Variants in RALYL observed in about 807,000 individuals in gnomAD.
RALYL encodes the protein RALY RNA binding protein like.
RALYL carries 29 observed loss-of-function variants against 35.1 expected under a neutral mutation model. The ratio of observed to expected loss-of-function variants is 0.83; its 90% CI spans 0.61 to 1.13. RALYL has a LOEUF of 1.13. RALYL is among the 50% of genes most tolerant of loss of function. RALYL has a pLI of 0.00. For missense variants in RALYL, 359 were observed against 360.4 expected, an observed-to-expected ratio of 1.00 and a Z score of 0.03; for synonymous variants, 120 against 127.6, an observed-to-expected ratio of 0.94 and a Z score of 0.40.
At chr8:84,186,121 G>A (rs1812459214) in intron 1 of RALYL, among the ~76,000 whole-genome samples, 1 of 152,158 alleles carries the variant, frequency 6.6e-6, no homozygotes, top group African/African-American at 2.4e-5. Flanking sequence ...TTTTCTCTGT[G>A]AAGGAAATCC....
chr8:84,590,284 AT>A (rs1336301385), intron 2 of RALYL, among the ~76,000 whole-genome samples: 4 of 152,230 alleles, frequency 2.6e-5, no homozygotes, highest in South Asian at 4.1e-4. Context: ...TCAAAATATA[AT>A]TGTAAAACTT....
intron 1 of RALYL, among the ~76,000 whole-genome samples, chr8:84,197,574 T>C (rs1815637570): frequency 6.6e-6 from 1 of 152,158 alleles, no homozygotes; most frequent in Admixed American, 6.6e-5. Context: ...TTGCTTTATT[T>C]TTCTACTTCC....
chr8:84,667,062 CAAAAG>C, intron 2 of RALYL, among the ~76,000 whole-genome samples: 1 of 152,120 alleles, frequency 6.6e-6, no homozygotes, highest in African/African-American at 2.4e-5. Context: ...GTTTTTAAAA[CAAAAG>C]GAAGAAGTTC....
At chr8:84,248,884 T>A (rs981141062) in intron 1 of RALYL, among the ~76,000 whole-genome samples, 1 of 152,120 alleles carries the variant, frequency 6.6e-6, no homozygotes, top group Non-Finnish European at 1.5e-5. Context: ...TTCAGAGACT[T>A]GATGTTTTAA....
intron 1 of RALYL, among the ~76,000 whole-genome samples, chr8:84,308,192 C>A (rs935288833): frequency 2.0e-5 from 3 of 151,518 alleles, no homozygotes; most frequent in Admixed American, 2.0e-4. Context: ...AGACAAAGAG[C>A]AGAGAAGAAA....
At chr8:84,517,088 C>G (rs964109597) in intron 1 of RALYL, among the ~76,000 whole-genome samples, 8 of 152,058 alleles carry the variant, frequency 5.3e-5, no homozygotes, top group Admixed American at 2.6e-4. Flanking sequence ...GACATAAATT[C>G]TCAAAAAGAT....
At chr8:84,437,838 C>T (rs534329875) in intron 1 of RALYL, among the ~76,000 whole-genome samples, 1 of 152,190 alleles carries the variant, frequency 6.6e-6, no homozygotes, top group African/African-American at 2.4e-5. Context: ...TGATGTGCTC[C>T]CTCTTTGCCT....
chr8:84,917,287 A>C (rs1270565099), intron 8 of RALYL, among the ~76,000 whole-genome samples: 7 of 151,938 alleles, frequency 4.6e-5, no homozygotes, highest in Admixed American at 4.6e-4. Flanking sequence ...TTGAGTTATA[A>C]AACTGAACAG....
intron 3 of RALYL, among the ~76,000 whole-genome samples, chr8:84,795,158 A>G (rs1027642335): frequency 6.6e-6 from 1 of 152,244 alleles, no homozygotes; most frequent in Non-Finnish European, 1.5e-5. Flanking sequence ...CTCCAGAGAA[A>G]TTGATTCTAT....
chr8:84,877,205 G>C (rs1841317210), intron 7 of RALYL, among the ~76,000 whole-genome samples: 1 of 152,134 alleles, frequency 6.6e-6, no homozygotes, highest in South Asian at 2.1e-4. Context: ...TAAAGGGAGT[G>C]GCCGGCCGCG....
chr8:84,653,386 A>G (rs754145830), intron 2 of RALYL, among the ~76,000 whole-genome samples: 10 of 151,790 alleles, frequency 6.6e-5, no homozygotes, highest in Non-Finnish European at 1.0e-4. Flanking sequence ...ATGCACGTAC[A>G]CACACACACA....
chr8:84,466,529 G>A (rs980601488), intron 1 of RALYL, among the ~76,000 whole-genome samples: 1 of 151,664 alleles, frequency 6.6e-6, no homozygotes, highest in African/African-American at 2.4e-5. Flanking sequence ...TTGATGTGCT[G>A]CTGTATTCGT....
intron 1 of RALYL, among the ~76,000 whole-genome samples, chr8:84,497,917 AG>A (rs1360874577): frequency 1.3e-5 from 2 of 150,248 alleles, no homozygotes; most frequent in East Asian, 3.9e-4. Context: ...CTGGGATTAC[AG>A]GTGTGAGGAA....
chr8:84,394,101 CCA>C (rs557610854), intron 1 of RALYL, among the ~76,000 whole-genome samples: 5 of 152,040 alleles, frequency 3.3e-5, no homozygotes, highest in Non-Finnish European at 5.9e-5. Context: ...TGTGCACACT[CCA>C]GTCTTCCACT....
At chr8:84,781,983 C>G (rs1216313414) in intron 3 of RALYL, among the ~76,000 whole-genome samples, 1 of 151,860 alleles carries the variant, frequency 6.6e-6, no homozygotes, top group South Asian at 2.1e-4. Flanking sequence ...ATAGCAGGTA[C>G]CACCTTGAGT....
At chr8:84,904,011 C>T (rs1846098366) in intron 8 of RALYL, among the ~76,000 whole-genome samples, 1 of 152,096 alleles carries the variant, frequency 6.6e-6, no homozygotes. Context: ...AGAAAAAAAC[C>T]TCTTTTGGGG....
chr8:84,185,400 G>A (rs1812271078), intron 1 of RALYL, among the ~76,000 whole-genome samples: 1 of 152,136 alleles, frequency 6.6e-6, no homozygotes, highest in South Asian at 2.1e-4. Flanking sequence ...TAGCACTGAC[G>A]TATTCAATGT....
In RALYL at chr8:84,774,721, A is replaced by G. The variant is rs1816419391; in HGVS notation, c.332+67A>G. 22 of 1,020,914 alleles carry G rather than the reference A, an allele frequency of 2.2e-5. No homozygotes were observed. In the South Asian group the frequency reaches 2.6e-4, roughly 12 times the overall value. 63.2% of individuals were successfully genotyped at this position (1,020,914 alleles called of 1,614,324 possible). On this transcript the variant is annotated intron_variant, in intron 3 of 8. Coordinates refer to ENST00000521268, the MANE Select transcript of RALYL (RefSeq NM_173848.7). ...TTTTCTTGCAGCTTTATAAGGCAAT[A>G]TAACTTGTAAGGCATCCACTATTTA...
At chr8:84,667,525 C>T (rs1832327255) in intron 2 of RALYL, among the ~76,000 whole-genome samples, 1 of 152,088 alleles carries the variant, frequency 6.6e-6, no homozygotes, top group South Asian at 2.1e-4. Flanking sequence ...GCTTCTTTAT[C>T]AGTTTTCAAA....
Sources: gnomAD v4.1 joint callset for allele counts (sites outside exome capture counted in the v4.1 genomes callset) on GRCh38, gnomAD v4.1.1 for gene constraint, MANE v1.5 for transcripts, NCBI Gene and HGNC (gene_info 2026-07-23, HGNC 2026-07-21) for gene names.